WHAMM: variants seen among roughly 807,000 people sequenced by gnomAD.
WHAMM encodes WASP homolog associated with actin, golgi membranes and microtubules, also known as WASP homolog-associated protein with actin, membranes and microtubules.
WHAMM carries 67 observed loss-of-function variants against 76.5 expected under a neutral mutation model. The observed-to-expected ratio is 0.88, with a 90% CI of 0.72 to 1.07. The LOEUF is 1.07. Ranked by LOEUF, WHAMM falls within the 50% of genes least tolerant of loss-of-function variation. The pLI, the probability that WHAMM is intolerant of heterozygous loss-of-function variation, is 0.00. For synonymous variants in WHAMM, 419 were observed against 422.1 expected (o/e 0.99, Z 0.09); for missense variants, 1,021 against 1,051.1 (o/e 0.97, Z 0.40).
At chr15:82,814,215 G>A (rs1381652033) in intron 2 of WHAMM, among the ~76,000 whole-genome samples, 1 of 152,146 alleles carries the variant, frequency 6.6e-6, no homozygotes, top group Non-Finnish European at 1.5e-5. Context: ...TAAACAGCTT[G>A]CCTTGGGTCT....
Position 82,810,341 on chromosome 15 carries a change from C to G in WHAMM, c.609+6C>G. ...CGGACGCGCGGCTGCGCCAGGTAAG[C>G]GAGGCCCGGTCGCCGGCGTTCGTCC... On this transcript the variant is annotated splice_donor_region_variant and intron_variant, in intron 1 of 9. Transcript: ENST00000286760. 1 of 1,306,514 alleles carries G rather than the reference C, an allele frequency of 7.7e-7. No homozygotes were observed. Among genetic ancestry groups the G allele is most frequent in the Non-Finnish European group, 9.7e-7 (1 of 1,032,564 alleles). The allele number at this position is 1,306,514 out of a possible 1,614,324, so 80.9% of individuals were successfully genotyped here.
chr15:82,833,624 C>CTGAT lies in WHAMM; in HGVS notation c.*89_*92dup. On this transcript the variant is annotated 3_prime_UTR_variant, in exon 10 of 10. Coordinates refer to ENST00000286760, the MANE Select transcript of WHAMM (RefSeq NM_001080435.3). Reference sequence around the variant, plus strand: ...TATCGAAAAGCATACTAACAGGGTGCTGATAGATGGGCCACATAACACCCC... The same window carrying CTGAT: ...TATCGAAAAGCATACTAACAGGGTGCTGATTGATAGATGGGCCACATAACACCCC... 3.5e-6 allele frequency: 5 copies of CTGAT among 1,409,710 alleles called. No homozygotes were observed. The highest frequency in any genetic ancestry group is 2.4e-5 in the East Asian group (1 of 41,016). The allele number at this position is 1,409,710 out of a possible 1,614,324, so 87.3% of individuals were successfully genotyped here.
chr15:82,833,034 A>G (rs1034260894), intron 9 of WHAMM, among the ~76,000 whole-genome samples, 195 bp from the exon 10 acceptor site: 4 of 152,250 alleles, frequency 2.6e-5, no homozygotes, highest in African/African-American at 4.8e-5. Context: ...AAGCTAAAAC[A>G]TGAGCTATTC....
rs1192012303 is a variant in WHAMM, at chr15:82,809,634, A to G, written c.-93A>G. ...CACTGACGCGGTTTCGATTCTAGCG[A>G]AAAATGATTTGGCTCGGACTGTCCC... On this transcript the variant is annotated 5_prime_UTR_variant, in exon 1 of 10. Transcript: ENST00000286760. 5.3e-6 allele frequency: 6 copies of G among 1,136,508 alleles called. No individual in the cohort carries two copies. Among genetic ancestry groups the G allele is most frequent in the Admixed American group, 3.8e-5 (1 of 26,236 alleles). The allele number at this position is 1,136,508 out of a possible 1,614,324, so 70.4% of individuals were successfully genotyped here.
rs1192425296 is a variant in WHAMM, at chr15:82,830,813, A to G, written c.1856A>G (p.Gln619Arg). The G allele has an allele frequency of 7.5e-6, 12 of 1,609,442 alleles. No homozygotes were observed. The highest frequency in any genetic ancestry group is 9.3e-6 in the Non-Finnish European group (11 of 1,177,554). Residue 619 changes from glutamine to arginine, a missense_variant, in exon 9 of 10, where the codon CAG becomes CGG. Gln to Arg is a conservative substitution (Grantham distance 43). Around this residue, in one of 3 missense-constraint regions of WHAMM, gnomAD observed 509 missense variants for 492.3 expected, o/e 1.03. Coordinates refer to ENST00000286760, the MANE Select transcript of WHAMM (RefSeq NM_001080435.3). ...AACTGTCATGGAAATATCCCTGTCC[A>G]GGTTTTTGTTCCAGTTGGTGATCAA... ...CQNCHGNIPVQVFVPVGDQTH... is the reference protein window; with the variant it reads ...CQNCHGNIPVRVFVPVGDQTH...
intron 6 of WHAMM, among the ~76,000 whole-genome samples, chr15:82,826,205 C>T (rs1596286011): frequency 6.6e-6 from 1 of 152,230 alleles, no homozygotes; most frequent in Non-Finnish European, 1.5e-5. Context: ...TTAAAGCACT[C>T]TGCTGGGAAC....
At position 82,830,769 on chromosome 15, in the gene WHAMM, GA is replaced by G. The variant is rs1404164432; in HGVS notation, c.1816del (p.Ser606AlafsTer69). 4 of 1,613,914 alleles carry G rather than the reference GA, an allele frequency of 2.5e-6. No homozygotes were observed. The highest frequency in any genetic ancestry group is 3.4e-6 in the Non-Finnish European group (4 of 1,179,854). ...GVPLSEAGNV[K>X]SPKCQNCHGN... is the part of the protein sequence containing the mutation. ...TTCCCCTATCGGAAGCTGGTAATGT[GA>G]AAAGCCCCAAGTGTCAAAACTGTCA... On this transcript the variant is annotated frameshift_variant, in exon 9 of 10. Transcript: ENST00000286760. LOFTEE classifies it high-confidence loss of function.
In WHAMM at chr15:82,810,178, G is replaced by A; in HGVS notation, c.452G>A (p.Arg151His). Residue 151 changes from arginine (R) to histidine (H), a missense_variant, in exon 1 of 10, where the codon CGC becomes CAC. Coordinates refer to ENST00000286760, the MANE Select transcript of WHAMM (RefSeq NM_001080435.3). ...ALQELCGQLE[R>H]YLGAAADGCG... is the part of the protein sequence containing the mutation. ...CAGGAGCTGTGCGGGCAGCTGGAAC[G>A]CTATCTGGGCGCGGCGGCCGACGGC... The A allele has an allele frequency of 1.4e-6, 2 of 1,403,034 alleles. No homozygotes were observed. The highest frequency in any genetic ancestry group is 1.9e-6 in the Non-Finnish European group (2 of 1,074,358). The allele number at this position is 1,403,034 out of a possible 1,614,324, so 86.9% of individuals were successfully genotyped here.
At position 82,833,536 on chromosome 15, in the gene WHAMM, G is replaced by C. The variant is rs2051074492; in HGVS notation, c.2430G>C (p.Ter810TyrextTer4). The C allele has an allele frequency of 1.2e-6, 2 of 1,612,354 alleles. No individual in the cohort carries two copies. The highest frequency in any genetic ancestry group is 1.7e-6 in the Non-Finnish European group (2 of 1,179,090). ...DEQDPGQWDG[*>Y] is the part of the protein sequence containing the mutation. ...AGGACCCTGGCCAGTGGGATGGTTA[G>C]GCTCAAGTTTGACAAAGGCACCTGC... The change falls in exon 10 of 10, where the codon TAG becomes TAC. Residue 810 changes from the stop codon to tyrosine, a stop_lost. Coordinates refer to ENST00000286760, the MANE Select transcript of WHAMM (RefSeq NM_001080435.3).
intron 6 of WHAMM, among the ~76,000 whole-genome samples, chr15:82,824,031 T>TA (rs1370271180): frequency 2.0e-5 from 3 of 152,106 alleles, no homozygotes; most frequent in Non-Finnish European, 4.4e-5. Context: ...TTCTTAATTT[T>TA]AAAAAATCCA....
intron 5 of WHAMM, among the ~76,000 whole-genome samples, chr15:82,822,829 T>C (rs1216945327): frequency 6.9e-6 from 1 of 144,412 alleles, no homozygotes; most frequent in Non-Finnish European, 1.5e-5. Flanking sequence ...TGTGTGTATA[T>C]ATATATATAC....
At chr15:82,810,433 C>T in intron 1 of WHAMM, 98 bp downstream of exon 1, 1 of 1,218,716 alleles carries the variant, frequency 8.2e-7, no homozygotes, top group Non-Finnish European at 1.0e-6. Context: ...TGACGGCTGA[C>T]GGGGAGGAGC....
chr15:82,830,919 C>CCCACCCCCT lies in WHAMM; in HGVS notation c.1965_1973dup (p.Pro656_Pro658dup). On this transcript the variant is annotated inframe_insertion, in exon 9 of 10. Coordinates refer to ENST00000286760, the MANE Select transcript of WHAMM (RefSeq NM_001080435.3). ...CACCACCACCGCCGCCACCGCCGCC[C>CCCACCCCCT]CCACCCCCTCCTCTCCGTGCTCTGT... 1.2e-6 allele frequency: 2 copies of CCCACCCCCT among 1,602,240 alleles called. No individual in the cohort carries two copies. The highest frequency in any genetic ancestry group is 8.5e-7 in the Non-Finnish European group (1 of 1,173,196).
At position 82,833,626 on chromosome 15, in the gene WHAMM, G is replaced by C; in HGVS notation, c.*90G>C. Reference sequence around the variant, plus strand: ...TCGAAAAGCATACTAACAGGGTGCTGATAGATGGGCCACATAACACCCCGG... The same window carrying C: ...TCGAAAAGCATACTAACAGGGTGCTCATAGATGGGCCACATAACACCCCGG... On this transcript the variant is annotated 3_prime_UTR_variant, in exon 10 of 10. Coordinates refer to ENST00000286760, the MANE Select transcript of WHAMM (RefSeq NM_001080435.3). 1 of 1,375,862 alleles carries C rather than the reference G, an allele frequency of 7.3e-7. No homozygotes were observed. The allele number at this position is 1,375,862 out of a possible 1,614,324, so 85.2% of individuals were successfully genotyped here.
chr15:82,814,771 T>C (rs1038624787), intron 2 of WHAMM, among the ~76,000 whole-genome samples: 40 of 136,864 alleles, frequency 2.9e-4, no homozygotes, highest in East Asian at 8.6e-4. Context: ...CCTTTCTTTT[T>C]TTTTTTTTTT....
chr15:82,825,644 T>C (rs1295627228), intron 6 of WHAMM, among the ~76,000 whole-genome samples: 1 of 152,050 alleles, frequency 6.6e-6, no homozygotes, highest in African/African-American at 2.4e-5. Context: ...TAAAAGAGGA[T>C]GATAGGCTAG....
At chr15:82,827,126 T>C (rs2050949182) in intron 8 of WHAMM, among the ~76,000 whole-genome samples, 1 of 152,226 alleles carries the variant, frequency 6.6e-6, no homozygotes, top group South Asian at 2.1e-4. Flanking sequence ...ACTGGTGGTT[T>C]AGATTGGCAG....
chr15:82,829,471 G>A (rs2050991359), intron 8 of WHAMM, among the ~76,000 whole-genome samples: 1 of 152,208 alleles, frequency 6.6e-6, no homozygotes, highest in Non-Finnish European at 1.5e-5. Context: ...TAGCCCTCTG[G>A]CCCATTTTCT....
chr15:82,809,669 G>C lies in WHAMM; in HGVS notation c.-58G>C, dbSNP rs1452558837. On this transcript the variant is annotated 5_prime_UTR_variant, in exon 1 of 10. Coordinates refer to ENST00000286760, the MANE Select transcript of WHAMM (RefSeq NM_001080435.3). ...TGGCTCGGACTGTCCCGTGACAGGC[G>C]GTGCGAGGAGGCCAGGCCCGCGCCC... is the stretch of plus-strand genomic sequence containing the variant. The C allele has an allele frequency of 7.8e-7, 1 of 1,289,486 alleles. No individual in the cohort carries two copies. The highest frequency in any genetic ancestry group is 1.0e-6 in the Non-Finnish European group (1 of 998,462). 79.9% of individuals were successfully genotyped at this position (1,289,486 alleles called of 1,614,324 possible). A position where few individuals can be genotyped will look rare whatever the true frequency, so the allele number is the denominator to read the frequency against.
Sources: allele counts gnomAD v4.1 joint callset (sites outside exome capture counted in the v4.1 genomes callset), GRCh38; gene constraint gnomAD v4.1.1; regional missense constraint gnomAD v4.1.1; transcripts MANE v1.5; gene names NCBI Gene and HGNC (gene_info 2026-07-23, HGNC 2026-07-21).